AFF2: variants seen among roughly 807,000 people sequenced by gnomAD.
AFF2 encodes AF4/FMR2 family member 2.
Under a neutral mutation model 76.9 loss-of-function variants are expected in AFF2, and 14 were observed. The ratio of observed to expected loss-of-function variants is 0.18; its 90% CI spans 0.12 to 0.28. The LOEUF (loss-of-function observed/expected upper bound fraction) is 0.28, where lower values mean the gene tolerates loss of function less well. Among genes scored for constraint, AFF2 ranks in the 10% least tolerant of loss-of-function variants. The pLI, the probability that AFF2 is intolerant of heterozygous loss-of-function variation, is 1.00. For missense variants in AFF2, 868 were observed against 1,001.1 expected (o/e 0.87, Z 1.79); for synonymous variants, 398 against 366.7 (o/e 1.09, Z -0.98).
At position 148,975,409 on chromosome X, in the gene AFF2, CAAT is replaced by C. The variant is rs782724757; in HGVS notation, c.3404+1803_3404+1805del. ...ATACTTTGCAGCGATTGAAATACAA[CAAT>C]GACAGAGACTATGCAGCCGCACAAA... On this transcript the variant is annotated intron_variant, in intron 16 of 20. Transcript: ENST00000370460. 7.1e-5 allele frequency among the ~76,000 whole-genome samples: 8 copies of C among 112,233 alleles called. No individual in the cohort carries two copies. In the South Asian group the frequency reaches 1.1e-3, roughly 16 times the overall value.
intron 3 of AFF2, among the ~76,000 whole-genome samples, chrX:148,783,843 C>A (rs1557269278): frequency 9.0e-6 from 1 of 111,578 alleles, no homozygotes; most frequent in African/African-American, 3.3e-5. Context: ...CAGAACACTT[C>A]TCTTAAGGGG....
At chrX:148,898,890 C>T (rs1342533784) in intron 8 of AFF2, among the ~76,000 whole-genome samples, 3 of 111,349 alleles carry the variant, frequency 2.7e-5, no homozygotes, top group African/African-American at 9.8e-5. Flanking sequence ...GCCCCTGTTA[C>T]GTATAGCAAA....
intron 3 of AFF2, among the ~76,000 whole-genome samples, chrX:148,782,836 C>T (rs1490495466): frequency 1.8e-5 from 2 of 111,508 alleles, no homozygotes; most frequent in Non-Finnish European, 3.8e-5. Flanking sequence ...CAGTAAAAAA[C>T]GGCATCTAGG....
At chrX:148,974,259 TAGA>T (rs1217048649) in intron 16 of AFF2, among the ~76,000 whole-genome samples, 2 of 111,174 alleles carry the variant, frequency 1.8e-5, no homozygotes, top group Non-Finnish European at 3.8e-5. Flanking sequence ...AAAAAATTCA[TAGA>T]AGAAGAGGAA....
chrX:148,991,359 C>T lies in AFF2; in HGVS notation c.*27C>T. On this transcript the variant is annotated 3_prime_UTR_variant, in exon 21 of 21. Coordinates refer to ENST00000370460, the MANE Select transcript of AFF2 (RefSeq NM_002025.4). ...GGGTGTTCTCAGATCTCTAGCATCACGACCCATCACTCTACCTCTACCAGC... is the reference window on the plus strand; with the variant it reads ...GGGTGTTCTCAGATCTCTAGCATCATGACCCATCACTCTACCTCTACCAGC... The T allele has an allele frequency of 2.6e-6, 3 of 1,175,719 alleles. No individual in the cohort carries two copies. Among genetic ancestry groups the T allele is most frequent in the Admixed American group, 4.6e-5 (2 of 43,666 alleles).
At chrX:148,630,280 G>A (rs1175181185) in intron 1 of AFF2, among the ~76,000 whole-genome samples, 1 of 112,081 alleles carries the variant, frequency 8.9e-6, no homozygotes, top group African/African-American at 3.2e-5. Flanking sequence ...CCCTCACTGG[G>A]CTTAAAAATG....
intron 3 of AFF2, among the ~76,000 whole-genome samples, chrX:148,720,694 T>C (rs929292469): frequency 8.9e-6 from 1 of 111,821 alleles, no homozygotes; most frequent in African/African-American, 3.2e-5. Context: ...TAAACAGATA[T>C]TTGTCATGCT....
At chrX:148,808,125 A>G (rs782630788) in intron 3 of AFF2, among the ~76,000 whole-genome samples, 1 of 112,278 alleles carries the variant, frequency 8.9e-6, no homozygotes, top group Admixed American at 9.4e-5. Context: ...GGGTTGCAGC[A>G]TTTCCCATAC....
At chrX:148,823,725 T>A (rs1356270124) in intron 4 of AFF2, among the ~76,000 whole-genome samples, 1 of 112,187 alleles carries the variant, frequency 8.9e-6, no homozygotes, top group African/African-American at 3.2e-5. Flanking sequence ...ATACAATACA[T>A]TGATCAAATT....
intron 3 of AFF2, among the ~76,000 whole-genome samples, chrX:148,758,625 A>G (rs1049444268): frequency 8.9e-6 from 1 of 111,907 alleles, no homozygotes; most frequent in African/African-American, 3.3e-5. Flanking sequence ...ACTTATCATT[A>G]ATTTTTAAAA....
At chrX:148,698,742 T>C (rs1216706286) in intron 3 of AFF2, among the ~76,000 whole-genome samples, 4 of 109,878 alleles carry the variant, frequency 3.6e-5, no homozygotes, top group Admixed American at 9.8e-5. Context: ...CCTCTTAAGA[T>C]ATAAATAAAA....
At chrX:148,980,237 G>A (rs1557290722) in intron 18 of AFF2, among the ~76,000 whole-genome samples, 5 of 111,839 alleles carry the variant, frequency 4.5e-5, no homozygotes, top group Middle Eastern at 4.6e-3. Context: ...TTAGCCATGA[G>A]GGTTTGCATG....
intron 3 of AFF2, among the ~76,000 whole-genome samples, chrX:148,677,325 G>A (rs782176172): frequency 1.9e-4 from 21 of 111,511 alleles, no homozygotes; most frequent in African/African-American, 4.9e-4. Flanking sequence ...GGCTTTGAAT[G>A]TCATGATATT....
intron 1 of AFF2, among the ~76,000 whole-genome samples, chrX:148,537,137 T>C (rs184925178): frequency 8.9e-6 from 1 of 112,527 alleles, no homozygotes; most frequent in Admixed American, 9.4e-5. Context: ...TTGGTGCCAT[T>C]TAAATAGCAA....
intron 7 of AFF2, among the ~76,000 whole-genome samples, chrX:148,853,267 T>G (rs949399163): frequency 1.6e-4 from 18 of 111,439 alleles, no homozygotes; most frequent in Non-Finnish European, 3.4e-4. Flanking sequence ...TTAAATCTTT[T>G]AGATTTGGTC....
chrX:148,574,658 C>G (rs1233043079), intron 1 of AFF2, among the ~76,000 whole-genome samples: 2 of 111,343 alleles, frequency 1.8e-5, no homozygotes, highest in African/African-American at 6.5e-5. Flanking sequence ...GGTACTCTTT[C>G]CTGCCCTGCC....
intron 8 of AFF2, among the ~76,000 whole-genome samples, chrX:148,892,504 T>G (rs184954768): frequency 9.0e-6 from 1 of 111,410 alleles, no homozygotes; most frequent in African/African-American, 3.3e-5. Flanking sequence ...CTGGCCTGGT[T>G]GCTATTTGAG....
chrX:148,960,988 C>T (rs1398589095), intron 12 of AFF2, among the ~76,000 whole-genome samples: 1 of 112,088 alleles, frequency 8.9e-6, no homozygotes, highest in East Asian at 2.8e-4. Flanking sequence ...TTAAAGACCC[C>T]GTGGTTCCAG....
rs782628657 is a variant in AFF2, at chrX:148,991,373, A to G, written c.*41A>G. 10 of 1,153,105 alleles carry G rather than the reference A, an allele frequency of 8.7e-6. No homozygotes were observed. The Admixed American group carries it at 1.2e-4, about 14-fold the overall frequency. The stretch of plus-strand genomic sequence containing the variant: ...CTCTAGCATCACGACCCATCACTCT[A>G]CCTCTACCAGCGCACTGATGGTCAC... On this transcript the variant is annotated 3_prime_UTR_variant, in exon 21 of 21. Coordinates refer to ENST00000370460, the MANE Select transcript of AFF2 (RefSeq NM_002025.4).
Sources: gnomAD v4.1 joint callset for allele counts (sites outside exome capture counted in the v4.1 genomes callset) on GRCh38, gnomAD v4.1.1 for gene constraint, MANE v1.5 for transcripts, NCBI Gene and HGNC (gene_info 2026-07-23, HGNC 2026-07-21) for gene names.